Variants in GPR55 observed in about 807,000 individuals in gnomAD.
The protein encoded by GPR55 is G-protein coupled receptor 55.
A neutral mutation model predicts 7.9 loss-of-function variants in GPR55; 6 were observed. The observed-to-expected ratio is 0.76, with a 90% CI of 0.41 to 1.49. The LOEUF (loss-of-function observed/expected upper bound fraction) is 1.49, where lower values mean the gene tolerates loss of function less well. Ranked by LOEUF, GPR55 falls within the 40% of genes most tolerant of loss-of-function variation. GPR55 has a pLI of 0.01. For missense variants in GPR55, 376 were observed against 406.0 expected (o/e 0.93, Z 0.63); for synonymous variants, 183 against 166.8 (o/e 1.10, Z -0.75).
chr2:230,910,813 C>A lies in GPR55; in HGVS notation c.150G>T (p.Lys50Asn). ...TGGCAGCATAATCGGGCCACCTGTT[C>A]TTAAGGAAGGTGCTGAAGCCATGGA... is the stretch of plus-strand genomic sequence containing the variant. ...LAIHGFSTFL[K>N]NRWPDYAATS... The change falls in exon 2 of 2, where the codon AAG (lysine) becomes AAT (asparagine). Residue 50 changes from lysine (K) to asparagine (N), a missense_variant. Lys to Asn is a moderately conservative substitution (Grantham distance 94). Coordinates refer to ENST00000650999, the MANE Select transcript of GPR55 (RefSeq NM_005683.4). This position sits in a 1 kb window ranked among gnomAD's most constrained non-coding sequence, Gnocchi z 5.4. The A allele has an allele frequency of 6.2e-7, 1 of 1,614,080 alleles. No individual in the cohort carries two copies. Among genetic ancestry groups the A allele is most frequent in the South Asian group, 1.1e-5 (1 of 91,072 alleles).
chr2:230,921,622 C>T (rs191576281), intron 1 of GPR55, among the ~76,000 whole-genome samples: 1 of 152,316 alleles, frequency 6.6e-6, no homozygotes, highest in African/African-American at 2.4e-5. Flanking sequence ...ATACACAAAA[C>T]ACAAACGCAG....
upstream of GPR55, among the ~76,000 whole-genome samples, chr2:230,927,392 G>A (rs539599115): frequency 5.3e-5 from 8 of 152,220 alleles, no homozygotes; most frequent in Non-Finnish European, 1.2e-4. Context: ...AAAGGTTTGA[G>A]CTCCTAAGAG....
rs761814531 is a variant in GPR55 at position 230,910,459 on chromosome 2, G to A, written c.504C>T (p.Cys168=). The A allele has an allele frequency of 6.8e-6, 11 of 1,613,458 alleles. No individual in the cohort carries two copies. The Admixed American group carries it at 8.3e-5, about 12-fold the overall frequency. ...AGGTATCATCAGACATGTTGTGGAA[G>A]CACATGTATTTTTCCACTTTCCCAT... is the stretch of plus-strand genomic sequence containing the variant. ...SFHGKVEKYM[C]FHNMSDDTWS... The change falls in exon 2 of 2, where the codon TGC becomes TGT. Residue 168 remains cysteine, a synonymous_variant. Transcript: ENST00000650999. This position sits in a 1 kb window ranked among gnomAD's most constrained non-coding sequence, Gnocchi z 5.4.
At chr2:230,957,942 C>A in intron 1 of GPR55, 1 of 481,438 alleles carries the variant, frequency 2.1e-6, no homozygotes, top group Non-Finnish European at 4.2e-6. Flanking sequence ...CCAAGGGCAA[C>A]AGCAGCAATT....
intron 1 of GPR55, among the ~76,000 whole-genome samples, chr2:230,922,859 G>A (rs1020523995): frequency 6.6e-6 from 1 of 151,976 alleles, no homozygotes; most frequent in East Asian, 1.9e-4. Flanking sequence ...GTGAGCCATC[G>A]CTCCTGGCCT....
intron 1 of GPR55, among the ~76,000 whole-genome samples, chr2:230,946,204 C>G (rs766995175): frequency 1.2e-4 from 19 of 152,018 alleles, no homozygotes; most frequent in Non-Finnish European, 2.2e-4. Context: ...TTGCCAGGGG[C>G]TGGAGGGCTA....
chr2:230,942,674 G>A (rs1691251892), intron 1 of GPR55, among the ~76,000 whole-genome samples: 1 of 152,136 alleles, frequency 6.6e-6, no homozygotes. Flanking sequence ...GACTTCAGGG[G>A]GCTGCAGGGT....
rs975022715 is a variant in GPR55 at position 230,909,932 on chromosome 2, C to A, written c.*71G>T. 8 of 1,454,744 alleles carry A rather than the reference C, an allele frequency of 5.5e-6. No homozygotes were observed. Among genetic ancestry groups the A allele is most frequent in the African/African-American group, 4.2e-5 (3 of 70,828 alleles). 90.1% of individuals were successfully genotyped at this position (1,454,744 alleles called of 1,614,324 possible). A position where few individuals can be genotyped will look rare whatever the true frequency, so the allele number is the denominator to read the frequency against. On this transcript the variant is annotated 3_prime_UTR_variant, in exon 2 of 2. Coordinates refer to ENST00000650999, the MANE Select transcript of GPR55 (RefSeq NM_005683.4). ...TGCGGATCATCCCACCACATCAAAA[C>A]CCTGGAACGCGATATCCGTTACCAG...
At chr2:230,935,065 C>G (rs1691110874) in intron 1 of GPR55, among the ~76,000 whole-genome samples, 1 of 152,170 alleles carries the variant, frequency 6.6e-6, no homozygotes, top group Non-Finnish European at 1.5e-5. Context: ...ACACGGGTCT[C>G]AGAGGAAACG....
intron 1 of GPR55, chr2:230,957,494 T>A: frequency 2.8e-6 from 1 of 356,468 alleles, no homozygotes; most frequent in South Asian, 2.2e-5. Context: ...GATTTAAAAC[T>A]TGTGAATTTG....
intron 1 of GPR55, among the ~76,000 whole-genome samples, chr2:230,952,381 G>T (rs951085930): frequency 6.6e-6 from 1 of 152,224 alleles, no homozygotes. Flanking sequence ...GAGCCTGGCC[G>T]TGCCTTGAAC....
At chr2:230,934,866 C>T (rs1043021781) in intron 1 of GPR55, among the ~76,000 whole-genome samples, 5 of 152,104 alleles carry the variant, frequency 3.3e-5, no homozygotes, top group Admixed American at 2.6e-4. Context: ...GGTTTCCCAC[C>T]CTGACTCCAC....
At position 230,923,284 on chromosome 2, in the gene GPR55, C is replaced by A. The variant is rs1690878600; in HGVS notation, c.-135+1884G>T. On this transcript the variant is annotated intron_variant, in intron 1 of 1. Coordinates refer to ENST00000650999, the MANE Select transcript of GPR55 (RefSeq NM_005683.4). The surrounding 1 kb of genome is among the most constrained non-coding windows in gnomAD (Gnocchi z 4.1). ...GGTTGCAACTGAGAAGGTGGCCCTT[C>A]CTGCAGCTGCCAGGCTGTTATCTGC... 6.6e-6 allele frequency among the ~76,000 whole-genome samples: 1 copy of A among 152,176 alleles called. No homozygotes were observed. The highest frequency in any genetic ancestry group is 1.5e-5 in the Non-Finnish European group (1 of 68,040).
intron 1 of GPR55, among the ~76,000 whole-genome samples, chr2:230,952,281 G>C (rs1207477587): frequency 1.3e-5 from 2 of 152,206 alleles, no homozygotes; most frequent in East Asian, 3.8e-4. Flanking sequence ...CTATGCTAAA[G>C]TGCTCTCTTC....
At chr2:230,957,614 G>GC (rs1691512350) in intron 1 of GPR55, 2 of 466,190 alleles carry the variant, frequency 4.3e-6, no homozygotes, top group African/African-American at 4.1e-5. Flanking sequence ...TCCGGAGCCC[G>GC]GCGAGCCCGC....
chr2:230,955,440 T>G (rs1431768523), intron 1 of GPR55, among the ~76,000 whole-genome samples: 1 of 152,202 alleles, frequency 6.6e-6, no homozygotes, highest in African/African-American at 2.4e-5. Flanking sequence ...CACCTTAACA[T>G]AACTGTACAG....
intron 1 of GPR55, among the ~76,000 whole-genome samples, chr2:230,932,591 C>T (rs1012702635): frequency 1.3e-5 from 2 of 152,350 alleles, no homozygotes; most frequent in African/African-American, 4.8e-5. Context: ...AAGCTCCGAA[C>T]AGAAGGACAT....
At chr2:230,942,784 A>AC (rs34005572) in intron 1 of GPR55, among the ~76,000 whole-genome samples, 1 of 150,118 alleles carries the variant, frequency 6.7e-6, no homozygotes, top group African/African-American at 2.5e-5. Context: ...AGAAGAAGGA[A>AC]CCCCCCACTC....
chr2:230,928,952 A>C (rs1323043415), upstream of GPR55, among the ~76,000 whole-genome samples: 2 of 152,090 alleles, frequency 1.3e-5, no homozygotes, highest in African/African-American at 2.4e-5. Context: ...ATGGCTCCCC[A>C]TCTGGCCTCT....
Sources: allele counts gnomAD v4.1 joint callset (sites outside exome capture counted in the v4.1 genomes callset), GRCh38; gene constraint gnomAD v4.1.1; non-coding constraint Gnocchi (gnomAD v3.1); transcripts MANE v1.5; gene names NCBI Gene and HGNC (gene_info 2026-07-23, HGNC 2026-07-21).